Variants in WWOX observed in about 807,000 individuals in gnomAD.
WWOX encodes WW domain containing oxidoreductase.
WWOX carries 69 observed loss-of-function variants against 46.2 expected under a neutral mutation model. The observed-to-expected ratio is 1.49, with a 90% CI of 1.23 to 1.82. WWOX has a LOEUF of 1.82. Among genes scored for constraint, WWOX ranks in the 40% most tolerant of loss-of-function variants. The probability of loss-of-function intolerance (pLI) is 0.00; values close to 1 mark genes in which losing one functional copy is unlikely to be tolerated. For synonymous variants in WWOX, 359 were observed against 202.6 expected (o/e 1.77, Z -6.56); for missense variants, 919 against 542.6 (o/e 1.69, Z -6.89).
At chr16:78,157,902 A>G (rs953769024) in intron 4 of WWOX, among the ~76,000 whole-genome samples, 14 of 152,230 alleles carry the variant, frequency 9.2e-5, no homozygotes, top group African/African-American at 3.4e-4. Context: ...AGGATTTTGC[A>G]AAAAGCAGGC....
intron 8 of WWOX, among the ~76,000 whole-genome samples, chr16:79,121,457 G>C (rs1213547074): frequency 6.6e-6 from 1 of 152,190 alleles, no homozygotes; most frequent in African/African-American, 2.4e-5. Flanking sequence ...GTCCGATGTC[G>C]GTTTGCCATG....
chr16:78,735,354 G>C (rs546886828), intron 8 of WWOX, among the ~76,000 whole-genome samples: 3 of 150,134 alleles, frequency 2.0e-5, no homozygotes, highest in African/African-American at 7.4e-5. Context: ...GTTCTCCAGA[G>C]AATCAGAACC....
intron 5 of WWOX, among the ~76,000 whole-genome samples, chr16:78,217,994 G>A (rs149395766): frequency 4.6e-5 from 7 of 152,174 alleles, no homozygotes; most frequent in South Asian, 2.1e-4. Context: ...AGAGGCCAAC[G>A]TATCTCACCC....
Position 78,221,343 on chromosome 16 carries a change from G to C in WWOX, c.516+57054G>C, listed in dbSNP as rs1033448753. Among the ~76,000 whole-genome samples, 12 of 152,118 alleles carry C rather than the reference G, an allele frequency of 7.9e-5. 1 individual carries two copies. Among genetic ancestry groups the C allele is most frequent in the Admixed American group, 7.9e-4 (12 of 15,276 alleles). On this transcript the variant is annotated intron_variant, in intron 5 of 8. Transcript: ENST00000566780. ...CAGAAAGATTCCTATATTGAGAAAA[G>C]AGGAAGAAGGAAAAAGTGTAATATA... is the stretch of plus-strand genomic sequence containing the variant.
At chr16:78,664,194 A>G (rs568489589) in intron 8 of WWOX, among the ~76,000 whole-genome samples, 1 of 152,316 alleles carries the variant, frequency 6.6e-6, no homozygotes, top group East Asian at 1.9e-4. Flanking sequence ...AGAAAACAGG[A>G]TGGATTCAGG....
At position 78,344,219 on chromosome 16, in the gene WWOX, C is replaced by T. The variant is rs1441977554; in HGVS notation, c.517-42641C>T. On this transcript the variant is annotated intron_variant, in intron 5 of 8. Transcript: ENST00000566780. ...TTATGAGTGAATGGCAGCGTTTTGACAGGATGATGAATAAATATGCTGGGC... is the reference window on the plus strand; with the variant it reads ...TTATGAGTGAATGGCAGCGTTTTGATAGGATGATGAATAAATATGCTGGGC... Among the ~76,000 whole-genome samples, 3 of 120,026 alleles carry T rather than the reference C, an allele frequency of 2.5e-5. 1 individual carries two copies. Among genetic ancestry groups the T allele is most frequent in the Non-Finnish European group, 4.0e-5 (2 of 50,420 alleles). The allele number at this position is 120,026 out of a possible 152,430, so 78.7% of individuals were successfully genotyped here. A position where few individuals can be genotyped will look rare whatever the true frequency, so the allele number is the denominator to read the frequency against.
chr16:78,809,168 G>A (rs1032002082), intron 8 of WWOX, among the ~76,000 whole-genome samples: 1 of 152,004 alleles, frequency 6.6e-6, no homozygotes, highest in African/African-American at 2.4e-5. Flanking sequence ...AGTCATAGGA[G>A]AACTTGTGCA....
intron 8 of WWOX, among the ~76,000 whole-genome samples, chr16:78,792,162 C>T (rs145570931): frequency 1.3e-5 from 2 of 152,238 alleles, no homozygotes; most frequent in African/African-American, 2.4e-5. Flanking sequence ...TGGCCCGCAG[C>T]AATAAACATT....
chr16:78,565,354 T>G (rs2044539761), intron 8 of WWOX, among the ~76,000 whole-genome samples: 1 of 152,226 alleles, frequency 6.6e-6, no homozygotes. Flanking sequence ...CTGGAGGCTC[T>G]AGGGGAGAAT....
At chr16:78,177,700 C>T (rs568987354) in intron 5 of WWOX, among the ~76,000 whole-genome samples, 2 of 152,276 alleles carry the variant, frequency 1.3e-5, no homozygotes, top group East Asian at 3.9e-4. Flanking sequence ...TAGGTCCTGG[C>T]AGCCATCACT....
Position 79,212,104 on chromosome 16 carries a change from CTCTT to C in WWOX, c.*314_*317del, listed in dbSNP as rs1597489390. 4 of 1,535,970 alleles carry C rather than the reference CTCTT, an allele frequency of 2.6e-6. No homozygotes were observed. Among genetic ancestry groups the C allele is most frequent in the Non-Finnish European group, 3.5e-6 (4 of 1,146,780 alleles). On this transcript the variant is annotated 3_prime_UTR_variant, in exon 9 of 9. Transcript: ENST00000566780. ...TCTCCCTGGAGAAGCACCAGCAATT[CTCTT>C]TCTTTTACTGTTATAGAATAGCCTG...
At chr16:78,444,230 A>G (rs548620412) in intron 8 of WWOX, among the ~76,000 whole-genome samples, 1 of 152,080 alleles carries the variant, frequency 6.6e-6, no homozygotes, top group African/African-American at 2.4e-5. Context: ...TTACTCATCT[A>G]ATGTAATTTT....
At chr16:78,395,988 A>G (rs190735319) in intron 6 of WWOX, among the ~76,000 whole-genome samples, 12 of 152,292 alleles carry the variant, frequency 7.9e-5, no homozygotes, top group Admixed American at 1.3e-4. Context: ...GACACACTGC[A>G]AATACTAGGA....
chr16:78,365,319 G>A (rs1055395350), intron 5 of WWOX, among the ~76,000 whole-genome samples: 1 of 152,126 alleles, frequency 6.6e-6, no homozygotes, highest in Admixed American at 6.5e-5. Flanking sequence ...CCAGCTGTTG[G>A]TTATGTTTTT....
chr16:78,748,070 G>A (rs970773000), intron 8 of WWOX, among the ~76,000 whole-genome samples: 1 of 152,076 alleles, frequency 6.6e-6, no homozygotes, highest in Non-Finnish European at 1.5e-5. Context: ...TCCCCTGTCT[G>A]TTAGTTTTTT....
At chr16:78,922,274 T>C (rs945111738) in intron 8 of WWOX, among the ~76,000 whole-genome samples, 3 of 152,154 alleles carry the variant, frequency 2.0e-5, no homozygotes, top group Non-Finnish European at 4.4e-5. Context: ...TGGGTGTAGT[T>C]AGGCCCCATC....
chr16:78,122,448 A>G (rs1287453706), intron 4 of WWOX, among the ~76,000 whole-genome samples: 1 of 152,204 alleles, frequency 6.6e-6, no homozygotes, highest in Non-Finnish European at 1.5e-5. Flanking sequence ...AATTAATAAT[A>G]GATTTTTGTT....
At chr16:79,078,815 A>G (rs1452821453) in intron 8 of WWOX, among the ~76,000 whole-genome samples, 2 of 152,170 alleles carry the variant, frequency 1.3e-5, no homozygotes, top group Admixed American at 1.3e-4. Flanking sequence ...TGATAATGAG[A>G]CCTATCCCTA....
intron 8 of WWOX, among the ~76,000 whole-genome samples, chr16:78,547,837 ATATAT>A (rs376587926): frequency 4.3e-4 from 66 of 151,916 alleles, no homozygotes; most frequent in African/African-American, 1.5e-3. Flanking sequence ...CTACCTCCTA[ATATAT>A]TATATTGGTG....
Sources: gnomAD v4.1 joint callset for allele counts (sites outside exome capture counted in the v4.1 genomes callset) on GRCh38, gnomAD v4.1.1 for gene constraint, MANE v1.5 for transcripts, NCBI Gene and HGNC (gene_info 2026-07-23, HGNC 2026-07-21) for gene names.